FAM204A: variants seen among roughly 807,000 people sequenced by gnomAD.
FAM204A encodes the protein family with sequence similarity 204 member A.
In FAM204A, 16 loss-of-function variants were observed where a neutral mutation model predicts 35.4. The ratio of observed to expected loss-of-function variants is 0.45; its 90% CI spans 0.31 to 0.69. The LOEUF is 0.69. Ranked by LOEUF, FAM204A falls within the 30% of genes least tolerant of loss-of-function variation. The pLI, the probability that FAM204A is intolerant of heterozygous loss-of-function variation, is 0.07. For missense variants in FAM204A, 240 were observed against 265.7 expected (o/e 0.90, Z 0.67); for synonymous variants, 76 against 86.9 (o/e 0.88, Z 0.70).
rs1473685234 is a variant in FAM204A, at chr10:118,310,349, G to A, written c.*508C>T. 1.3e-5 allele frequency: 2 copies of A among 152,244 alleles called. No homozygotes were observed. The highest frequency in any genetic ancestry group is 4.8e-5 in the African/African-American group (2 of 41,344). The allele number at this position is 152,244 out of a possible 1,614,324, so 9.4% of individuals were successfully genotyped here. ...AAAAAAAAAAAATTAGCCGGGTGTG[G>A]TGGCATTTGTCCATAATCCCAGCTA... On this transcript the variant is annotated 3_prime_UTR_variant, in exon 9 of 9. Transcript: ENST00000369183.
At chr10:118,335,034 A>G in intron 6 of FAM204A, 80 bp downstream of exon 6, 2 of 994,228 alleles carry the variant, frequency 2.0e-6, no homozygotes, top group South Asian at 1.5e-5. Context: ...GAATGAATTA[A>G]TGAGGACAAG....
At position 118,302,698 on chromosome 10, in the gene FAM204A, G is replaced by C. The variant is rs554601629; in HGVS notation, c.*8159C>G. 1 of 152,280 alleles carries C rather than the reference G, an allele frequency of 6.6e-6. No individual in the cohort carries two copies. The highest frequency in any genetic ancestry group is 1.9e-4 in the East Asian group (1 of 5,178). 9.4% of individuals were successfully genotyped at this position (152,280 alleles called of 1,614,324 possible). ...CTTTCTTTTCCTTTTTTGGAAAATG[G>C]AAGTAATGTACTAGTACAGGCAGTC... On this transcript the variant is annotated 3_prime_UTR_variant, in exon 9 of 9. Coordinates refer to ENST00000369183, the MANE Select transcript of FAM204A (RefSeq NM_022063.3).
rs1845772528 is a variant in FAM204A, at chr10:118,298,411, T to TA, written c.*12445dup. On this transcript the variant is annotated 3_prime_UTR_variant, in exon 9 of 9. Transcript: ENST00000369183. The stretch of plus-strand genomic sequence containing the variant: ...AATCCGAATGCGATGTGTATCTGAA[T>TA]AAAGACGCTTATTCTCTCCTACCAG... 1.3e-5 allele frequency: 2 copies of TA among 152,208 alleles called. No individual in the cohort carries two copies. Among genetic ancestry groups the TA allele is most frequent in the South Asian group, 4.1e-4 (2 of 4,834 alleles). 9.4% of individuals were successfully genotyped at this position (152,208 alleles called of 1,614,324 possible). A position where few individuals can be genotyped will look rare whatever the true frequency, so the allele number is the denominator to read the frequency against.
In FAM204A at chr10:118,310,488, CA is replaced by C. The variant is rs778043354; in HGVS notation, c.*368del. The C allele has an allele frequency of 0.086, 6,985 of 80,916 alleles. 28 individuals carry two copies. The highest frequency in any genetic ancestry group is 0.14 in the South Asian group (585 of 4,282). 5.0% of individuals were successfully genotyped at this position (80,916 alleles called of 1,614,324 possible). On this transcript the variant is annotated 3_prime_UTR_variant, in exon 9 of 9. Transcript: ENST00000369183. ...TGACAGAGCAAGCGAGGCTCTGTCT[CA>C]AAAAAAAAAAAAAAAAGAAAGAAAG...
intron 6 of FAM204A, among the ~76,000 whole-genome samples, chr10:118,331,823 T>C (rs1169596512): frequency 2.8e-5 from 4 of 144,378 alleles, no homozygotes; most frequent in African/African-American, 1.0e-4. Context: ...ATCATATATT[T>C]ATTCATAATT....
intron 7 of FAM204A, 37 bp downstream of exon 7, chr10:118,326,117 T>C (rs780778047): frequency 8.0e-6 from 12 of 1,509,392 alleles, no homozygotes; most frequent in East Asian, 2.3e-5. Flanking sequence ...TCTAGAAAAT[T>C]TGAAAATACA....
Position 118,335,696 on chromosome 10 carries a change from A to AT in FAM204A, c.235-56dup, listed in dbSNP as rs1273454804. On this transcript the variant is annotated intron_variant, in intron 3 of 8. Transcript: ENST00000369183. The stretch of plus-strand genomic sequence containing the variant: ...AAATATACTTTCCAGAAAAACATGC[A>AT]TTTAAAAAATAATGAAGTAATAAAA... The AT allele has an allele frequency of 1.2e-5, 15 of 1,289,514 alleles. 1 individual carries two copies. Among genetic ancestry groups the AT allele is most frequent in the Non-Finnish European group, 1.5e-5 (14 of 918,558 alleles). 79.9% of individuals were successfully genotyped at this position (1,289,514 alleles called of 1,614,324 possible).
chr10:118,332,409 T>A (rs904376565), intron 6 of FAM204A, among the ~76,000 whole-genome samples: 1 of 151,598 alleles, frequency 6.6e-6, no homozygotes, highest in South Asian at 2.1e-4. Flanking sequence ...GGTTTACAAC[T>A]GATACCAGGG....
chr10:118,334,706 C>T (rs1004038881), intron 6 of FAM204A, among the ~76,000 whole-genome samples: 2 of 152,232 alleles, frequency 1.3e-5, no homozygotes, highest in Non-Finnish European at 2.9e-5. Context: ...GGGCTACCCT[C>T]CTCCTCGCTG....
At chr10:118,324,997 T>TCA (rs919497516) in intron 7 of FAM204A, among the ~76,000 whole-genome samples, 27 of 151,562 alleles carry the variant, frequency 1.8e-4, no homozygotes, top group African/African-American at 5.8e-4. Flanking sequence ...ATATTCTCTC[T>TCA]CACACACACA....
intron 7 of FAM204A, among the ~76,000 whole-genome samples, chr10:118,318,199 GCAAA>G (rs950785357): frequency 1.3e-5 from 2 of 151,718 alleles, no homozygotes; most frequent in Non-Finnish European, 2.9e-5. Flanking sequence ...TAATAAACAA[GCAAA>G]CAAAAGAAAA....
chr10:118,340,924 A>T (rs1218880150), intron 2 of FAM204A, among the ~76,000 whole-genome samples: 1 of 150,888 alleles, frequency 6.6e-6, no homozygotes, highest in African/African-American at 2.4e-5. Context: ...TTAGATTATG[A>T]ATTTTACAGA....
intron 7 of FAM204A, among the ~76,000 whole-genome samples, chr10:118,324,882 C>T (rs934369473): frequency 6.6e-6 from 1 of 152,060 alleles, no homozygotes; most frequent in African/African-American, 2.4e-5. Flanking sequence ...AAAATGTCAG[C>T]TTATTTTCTG....
rs540656719 is a variant in FAM204A, at chr10:118,341,774, T to C, written c.-56A>G. The stretch of plus-strand genomic sequence containing the variant: ...TGGGTCTAGAAAGGTACACCGTTCC[T>C]GCTTGGCTGCACAACCCGGAATTCT... On this transcript the variant is annotated 5_prime_UTR_variant, in exon 2 of 9. Transcript: ENST00000369183. 1 of 152,324 alleles carries C rather than the reference T, an allele frequency of 6.6e-6. No homozygotes were observed. Among genetic ancestry groups the C allele is most frequent in the South Asian group, 2.1e-4 (1 of 4,832 alleles). 9.4% of individuals were successfully genotyped at this position (152,324 alleles called of 1,614,324 possible).
At chr10:118,326,071 A>C in intron 7 of FAM204A, 83 bp downstream of exon 7, 1 of 1,023,546 alleles carries the variant, frequency 9.8e-7, no homozygotes, top group Non-Finnish European at 1.5e-6. Context: ...TTTAATACTG[A>C]ACTTATTAAT....
At position 118,336,322 on chromosome 10, in the gene FAM204A, A is replaced by G; in HGVS notation, c.94T>C (p.Leu32=). The G allele has an allele frequency of 1.2e-6, 2 of 1,613,938 alleles. No individual in the cohort carries two copies. The highest frequency in any genetic ancestry group is 1.7e-6 in the Non-Finnish European group (2 of 1,179,876). The change falls in exon 3 of 9, where the codon TTA becomes CTA. Residue 32 remains leucine (L), a synonymous_variant. Transcript: ENST00000369183. ...EATLENSGLN[L]QEDKEDESIR... is the part of the protein sequence containing the mutation. ...CTCTCATCCTCTTTATCTTCCTGTA[A>G]GTTAAGTCCAGAGTTCTCCAACGTA...
In FAM204A at chr10:118,301,367, A is replaced by G. The variant is rs1023045116; in HGVS notation, c.*9490T>C. ...AGACTCTCAGTTCAGACATTTACTC[A>G]CAACAGAAATAGCCATCAGCATTTT... On this transcript the variant is annotated 3_prime_UTR_variant, in exon 9 of 9. Transcript: ENST00000369183. 5.9e-5 allele frequency: 9 copies of G among 152,322 alleles called. No homozygotes were observed. The highest frequency in any genetic ancestry group is 6.8e-3 in the Middle Eastern group (2 of 294). The allele number at this position is 152,322 out of a possible 1,614,324, so 9.4% of individuals were successfully genotyped here. A position where few individuals can be genotyped will look rare whatever the true frequency, so the allele number is the denominator to read the frequency against.
At chr10:118,335,989 T>C (rs1417542079) in intron 3 of FAM204A, 193 bp downstream of exon 3, 2 of 624,432 alleles carry the variant, frequency 3.2e-6, no homozygotes, top group Non-Finnish European at 5.1e-6. Flanking sequence ...CCTCCGTCTT[T>C]CTATGAAAAA....
chr10:118,321,424 C>T (rs1044121646), intron 7 of FAM204A, among the ~76,000 whole-genome samples: 2 of 152,020 alleles, frequency 1.3e-5, no homozygotes, highest in Admixed American at 6.6e-5. Flanking sequence ...CAAACATTTT[C>T]CAGATGTTTT....
Sources: allele counts gnomAD v4.1 joint callset (sites outside exome capture counted in the v4.1 genomes callset), GRCh38; gene constraint gnomAD v4.1.1; transcripts MANE v1.5; gene names NCBI Gene and HGNC (gene_info 2026-07-23, HGNC 2026-07-21).